Variants in FRMD4A observed in about 807,000 individuals in gnomAD.
The protein encoded by FRMD4A is FERM domain containing 4A, also known as FERM domain-containing protein 4A.
Under a neutral mutation model 129.1 loss-of-function variants are expected in FRMD4A, and 29 were observed. That is an observed-to-expected ratio of 0.22 (90% CI 0.17 to 0.31). The LOEUF is 0.31. FRMD4A is among the 10% of genes least tolerant of loss of function. The probability of loss-of-function intolerance (pLI) is 1.00; values close to 1 mark genes in which losing one functional copy is unlikely to be tolerated. For synonymous variants in FRMD4A, 634 were observed against 571.6 expected (o/e 1.11, Z -1.56); for missense variants, 1,272 against 1,375.8 (o/e 0.92, Z 1.19).
At chr10:13,746,041 C>T (rs2091274299) in intron 9 of FRMD4A, among the ~76,000 whole-genome samples, 1 of 152,142 alleles carries the variant, frequency 6.6e-6, no homozygotes, top group South Asian at 2.1e-4. Flanking sequence ...TTAGAGAAAG[C>T]CATCATTTAT....
At chr10:14,104,951 T>C (rs1837509287) in intron 2 of FRMD4A, among the ~76,000 whole-genome samples, 1 of 152,112 alleles carries the variant, frequency 6.6e-6, no homozygotes, top group South Asian at 2.1e-4. Context: ...GTTTGAGGGA[T>C]CCAAATGAAC....
chr10:14,088,471 C>T (rs1836431765), intron 2 of FRMD4A, among the ~76,000 whole-genome samples: 1 of 147,824 alleles, frequency 6.8e-6, no homozygotes, highest in Non-Finnish European at 1.5e-5. Flanking sequence ...AAAGGAACGA[C>T]GAATCAGGCC....
intron 2 of FRMD4A, among the ~76,000 whole-genome samples, chr10:14,130,949 C>T (rs968207978): frequency 1.2e-4 from 18 of 152,164 alleles, no homozygotes; most frequent in African/African-American, 4.1e-4. Flanking sequence ...AAACTTCAGT[C>T]TGAGTTTAAT....
intron 2 of FRMD4A, among the ~76,000 whole-genome samples, chr10:14,048,854 AT>A (rs2131683261): frequency 8.7e-6 from 1 of 114,748 alleles, no homozygotes; most frequent in African/African-American, 4.1e-5. Flanking sequence ...ATAGAATAGA[AT>A]AGAATAGAAT....
intron 15 of FRMD4A, chr10:13,684,263 G>A: frequency 1.1e-6 from 1 of 934,100 alleles, no homozygotes; most frequent in Non-Finnish European, 1.3e-6. Context: ...AAGACAAAAA[G>A]GGCTGACCCT....
chr10:13,848,534 C>T (rs1007917865), intron 3 of FRMD4A, among the ~76,000 whole-genome samples: 5 of 151,842 alleles, frequency 3.3e-5, no homozygotes, highest in African/African-American at 1.2e-4. Context: ...CAGCGTGGAC[C>T]CATTAGGCTG....
intron 2 of FRMD4A, among the ~76,000 whole-genome samples, chr10:13,883,350 G>A (rs1294848334): frequency 1.3e-5 from 2 of 152,016 alleles, no homozygotes; most frequent in East Asian, 3.9e-4. Context: ...AAATTAGCTG[G>A]GTGTAGTGGT....
intron 6 of FRMD4A, among the ~76,000 whole-genome samples, chr10:13,773,089 C>T (rs535998514): frequency 3.5e-4 from 53 of 152,182 alleles, no homozygotes; most frequent in African/African-American, 1.2e-3. Flanking sequence ...CTACTATGTA[C>T]CCACAACAAT....
intron 2 of FRMD4A, among the ~76,000 whole-genome samples, chr10:14,129,123 T>A (rs1261373713): frequency 6.6e-6 from 1 of 151,986 alleles, no homozygotes; most frequent in African/African-American, 2.4e-5. Context: ...ATGACTTGCC[T>A]GATGAGAATC....
intron 21 of FRMD4A, among the ~76,000 whole-genome samples, chr10:13,657,879 G>A (rs1157861365): frequency 6.6e-6 from 1 of 151,278 alleles, no homozygotes; most frequent in East Asian, 1.9e-4. Flanking sequence ...GGGCACTGTG[G>A]TCCACGCCTG....
In FRMD4A at chr10:14,067,802, G is replaced by A. The variant is rs138493761; in HGVS notation, c.46-208890C>T. ...ACTGCACTCCAGCCTGGGTAACAGA[G>A]CGAGACTCCGTCTCAAAACAAAAAC... On this transcript the variant is annotated intron_variant, in intron 2 of 24. Coordinates refer to ENST00000357447, the MANE Select transcript of FRMD4A (RefSeq NM_018027.5). Among the ~76,000 whole-genome samples the A allele has an allele frequency of 7.8e-3, 1,192 of 152,328 alleles. 59 individuals are homozygous for A. In the East Asian group the frequency reaches 0.13, roughly 17 times the overall value.
At chr10:14,245,316 G>C (rs574684535) in intron 2 of FRMD4A, among the ~76,000 whole-genome samples, 1 of 152,338 alleles carries the variant, frequency 6.6e-6, no homozygotes, top group East Asian at 1.9e-4. Context: ...GTATGGGCAG[G>C]TTATTTGTCC....
At chr10:13,904,572 G>A (rs1490029711) in intron 2 of FRMD4A, among the ~76,000 whole-genome samples, 1 of 152,192 alleles carries the variant, frequency 6.6e-6, no homozygotes, top group East Asian at 1.9e-4. Flanking sequence ...TTGTATTCCA[G>A]ATCCTCAAAA....
chr10:13,979,997 C>T (rs1232118267), intron 2 of FRMD4A, among the ~76,000 whole-genome samples: 2 of 152,198 alleles, frequency 1.3e-5, no homozygotes, highest in Non-Finnish European at 2.9e-5. Flanking sequence ...AAGAAAACAA[C>T]ACTCACCACG....
intron 2 of FRMD4A, among the ~76,000 whole-genome samples, chr10:13,969,351 A>G (rs1160945494): frequency 6.6e-6 from 1 of 152,238 alleles, no homozygotes; most frequent in African/African-American, 2.4e-5. Context: ...TTGAGCCCCA[A>G]ACGCCTATGA....
chr10:14,263,507 A>C (rs1021451250), intron 2 of FRMD4A, among the ~76,000 whole-genome samples: 2 of 152,080 alleles, frequency 1.3e-5, no homozygotes, highest in Non-Finnish European at 2.9e-5. Flanking sequence ...CTCATTGTCA[A>C]TTGCCTTCAC....
chr10:13,980,361 T>C (rs1340059446), intron 2 of FRMD4A, among the ~76,000 whole-genome samples: 1 of 152,196 alleles, frequency 6.6e-6, no homozygotes, highest in Non-Finnish European at 1.5e-5. Flanking sequence ...AAAAAAAATC[T>C]ATTTTATTCT....
intron 2 of FRMD4A, among the ~76,000 whole-genome samples, chr10:14,121,300 G>A (rs568276211): frequency 9.2e-5 from 14 of 152,254 alleles, no homozygotes; most frequent in African/African-American, 2.4e-4. Context: ...CCTGGGAGGC[G>A]GAGATTGCAG....
chr10:13,795,764 C>T (rs1386430359), intron 5 of FRMD4A, among the ~76,000 whole-genome samples: 1 of 152,176 alleles, frequency 6.6e-6, no homozygotes, highest in African/African-American at 2.4e-5. Flanking sequence ...CAGATTCTGA[C>T]TTTGCCACCA....
Sources: gnomAD v4.1 joint callset for allele counts (sites outside exome capture counted in the v4.1 genomes callset) on GRCh38, gnomAD v4.1.1 for gene constraint, MANE v1.5 for transcripts, NCBI Gene and HGNC (gene_info 2026-07-23, HGNC 2026-07-21) for gene names.